Variants in NLRP8 observed in about 807,000 individuals in gnomAD.
NLRP8 encodes the protein NLR family pyrin domain containing 8.
NLRP8 carries 86 observed loss-of-function variants against 88.7 expected under a neutral mutation model. The ratio of observed to expected loss-of-function variants is 0.97; its 90% CI spans 0.81 to 1.16. The LOEUF is 1.16. Ranked by LOEUF, NLRP8 falls within the 50% of genes most tolerant of loss-of-function variation. The probability of loss-of-function intolerance (pLI) is 0.00; values close to 1 mark genes in which losing one functional copy is unlikely to be tolerated. For synonymous variants in NLRP8, 504 were observed against 494.6 expected (o/e 1.02, Z -0.25); for missense variants, 1,342 against 1,286.5 (o/e 1.04, Z -0.66).
chr19:55,985,260 G>A (rs306464), intron 9 of NLRP8, among the ~76,000 whole-genome samples: 56,140 of 151,722 alleles, frequency 0.37, 10,975 homozygotes, highest in Non-Finnish European at 0.43. Context: ...CTGAGATCAT[G>A]CCATTGCACT....
intron 8 of NLRP8, among the ~76,000 whole-genome samples, chr19:55,976,629 C>T (rs1287137923): frequency 6.6e-6 from 1 of 151,614 alleles, no homozygotes; most frequent in Non-Finnish European, 1.5e-5. Context: ...AAGAGTTTGT[C>T]ACTTTTAGAC....
rs202188806 is a variant in NLRP8, at chr19:55,961,997, C to A, written c.2043-70C>A. ...CCTAACCAGGATAGGGAACACCAGC[C>A]CTGGGGTTTCCTAGTAGATTTTCTC... On this transcript the variant is annotated intron_variant, in intron 3 of 9. Coordinates refer to ENST00000291971, the MANE Select transcript of NLRP8 (RefSeq NM_176811.2). The A allele has an allele frequency of 2.3e-5, 35 of 1,522,256 alleles. No individual in the cohort carries two copies. In the East Asian group the frequency reaches 6.1e-4, roughly 26 times the overall value. 94.3% of individuals were successfully genotyped at this position (1,522,256 alleles called of 1,614,324 possible). A position where few individuals can be genotyped will look rare whatever the true frequency, so the allele number is the denominator to read the frequency against.
Position 55,959,356 on chromosome 19 carries a change from C to T in NLRP8, c.2043-2711C>T, listed in dbSNP as rs540322543. Among the ~76,000 whole-genome samples the T allele has an allele frequency of 5.9e-5, 9 of 151,642 alleles. No homozygotes were observed. In the South Asian group the frequency reaches 8.4e-4, roughly 14 times the overall value. On this transcript the variant is annotated intron_variant, in intron 3 of 9. Transcript: ENST00000291971. ...CCTCCCCAGTAGCTGGGACTACAGG[C>T]GCCCGCCACCACGCCTGGCTAATTT...
In NLRP8 at chr19:55,955,518, T is replaced by A. The variant is rs755489007; in HGVS notation, c.1460T>A (p.Phe487Tyr). The change falls in exon 3 of 10, where the codon TTC becomes TAC. Residue 487 changes from phenylalanine (F) to tyrosine (Y), a missense_variant. Transcript: ENST00000291971. ...CTGGATCAGACGGGAGTCACCGCCT[T>A]CCTTGGCATGAGTATTCTTCGGAGA... 4.3e-6 allele frequency: 7 copies of A among 1,614,170 alleles called. No homozygotes were observed. The highest frequency in any genetic ancestry group is 1.6e-4 in the Middle Eastern group (1 of 6,062).
At chr19:55,979,626 G>A (rs897923263) in intron 9 of NLRP8, 62 bp downstream of exon 9, 2 of 1,573,876 alleles carry the variant, frequency 1.3e-6, no homozygotes, top group African/African-American at 1.3e-5. Context: ...CTTGTAAAAC[G>A]TGAGATGCTG....
Position 55,988,054 on chromosome 19 carries a change from G to C in NLRP8, c.*141G>C. ...ACCCAGTCAACACCACAGAACCTCA[G>C]CTTTGAACCCTGGAGTGAGGACGGT... On this transcript the variant is annotated 3_prime_UTR_variant, in exon 10 of 10. Transcript: ENST00000291971. 2 of 651,480 alleles carry C rather than the reference G, an allele frequency of 3.1e-6. No individual in the cohort carries two copies. Among genetic ancestry groups the C allele is most frequent in the Non-Finnish European group, 5.5e-6 (2 of 362,160 alleles). The allele number at this position is 651,480 out of a possible 1,614,324, so 40.4% of individuals were successfully genotyped here.
chr19:55,977,202 A>G (rs1980384068), intron 8 of NLRP8, among the ~76,000 whole-genome samples: 1 of 65,558 alleles, frequency 1.5e-5, no homozygotes, highest in African/African-American at 6.0e-5. Context: ...GTATATAAAG[A>G]TACATAAGAT....
Position 55,981,104 on chromosome 19 carries a change from G to A in NLRP8, c.3047+1540G>A, listed in dbSNP as rs185740960. ...AAGTGGATATGCTGGCAAGACTGGA[G>A]GGCCCTGTAGTGGAAGGAGACTTCC... On this transcript the variant is annotated intron_variant, in intron 9 of 9. Coordinates refer to ENST00000291971, the MANE Select transcript of NLRP8 (RefSeq NM_176811.2). Among the ~76,000 whole-genome samples the A allele has an allele frequency of 1.6e-4, 24 of 152,300 alleles. No individual in the cohort carries two copies. The East Asian group carries it at 4.6e-3, about 29-fold the overall frequency.
rs771828987 is a variant in NLRP8, at chr19:55,973,631, CTG to C, written c.2535-16_2535-15del. ...CAAAGACCCCTCTCCATTCAGTCAT[CTG>C]TGTGCTTCTCTCCCATAGGATAGAG... On this transcript the variant is annotated intron_variant, in intron 6 of 9. Transcript: ENST00000291971. The C allele has an allele frequency of 1.2e-4, 194 of 1,575,932 alleles. No individual in the cohort carries two copies. The African/African-American group carries it at 2.4e-3, about 20-fold the overall frequency.
chr19:55,983,659 C>T (rs1980672178), intron 9 of NLRP8, among the ~76,000 whole-genome samples: 1 of 151,336 alleles, frequency 6.6e-6, no homozygotes, highest in African/African-American at 2.4e-5. Context: ...TAGCCAAGTA[C>T]TCAAAGTTAA....
intron 6 of NLRP8, among the ~76,000 whole-genome samples, chr19:55,972,912 C>A (rs146502106): frequency 7.8e-4 from 118 of 150,922 alleles, no homozygotes; most frequent in African/African-American, 2.8e-3. Flanking sequence ...GCAAATTGTG[C>A]TGCTATAAAC....
chr19:55,961,670 C>T (rs778917907), intron 3 of NLRP8, among the ~76,000 whole-genome samples: 9 of 152,158 alleles, frequency 5.9e-5, no homozygotes, highest in Middle Eastern at 3.4e-3. Context: ...GGTGTGGTGG[C>T]GTGTGCCTGT....
chr19:55,972,343 G>T (rs541366179), intron 6 of NLRP8, among the ~76,000 whole-genome samples: 1 of 151,520 alleles, frequency 6.6e-6, no homozygotes, highest in Non-Finnish European at 1.5e-5. Flanking sequence ...TTGAACTCCT[G>T]ACCTCAGGTG....
At chr19:55,961,629 C>T (rs993479560) in intron 3 of NLRP8, among the ~76,000 whole-genome samples, 1 of 144,036 alleles carries the variant, frequency 6.9e-6, no homozygotes, top group Non-Finnish European at 1.5e-5. Flanking sequence ...TGGAGAATCC[C>T]TGTTTCTACA....
intron 2 of NLRP8, among the ~76,000 whole-genome samples, chr19:55,954,004 T>C (rs530676314): frequency 1.3e-5 from 2 of 151,960 alleles, no homozygotes; most frequent in East Asian, 3.9e-4. Flanking sequence ...GGTTTCACCA[T>C]GTTAGCCAGG....
chr19:55,969,372 A>G (rs1477194307), intron 5 of NLRP8, among the ~76,000 whole-genome samples: 2 of 152,146 alleles, frequency 1.3e-5, no homozygotes, highest in Non-Finnish European at 2.9e-5. Flanking sequence ...TTGGTTTTCC[A>G]TCCCTGAGTT....
rs1165775867 is a variant in NLRP8 at position 55,988,442 on chromosome 19, G to GTATATATATATATATATA, written c.*530_*531insATATATATATATATATAT. 740 of 103,474 alleles carry GTATATATATATATATATA rather than the reference G, an allele frequency of 7.2e-3. 10 individuals carry two copies. The highest frequency in any genetic ancestry group is 0.01 in the Middle Eastern group (2 of 192). The allele number at this position is 103,474 out of a possible 1,614,324, so 6.4% of individuals were successfully genotyped here. A position where few individuals can be genotyped will look rare whatever the true frequency, so the allele number is the denominator to read the frequency against. ...TACACATAAATATATATATGTGTGT[G>GTATATATATATATATATA]TGTATATATATATATATATATATAT... On this transcript the variant is annotated 3_prime_UTR_variant, in exon 10 of 10. Coordinates refer to ENST00000291971, the MANE Select transcript of NLRP8 (RefSeq NM_176811.2).
At chr19:55,978,558 T>C (rs542129385) in intron 8 of NLRP8, among the ~76,000 whole-genome samples, 8 of 152,294 alleles carry the variant, frequency 5.3e-5, no homozygotes, top group Middle Eastern at 3.4e-3. Flanking sequence ...CCTCTTCTTA[T>C]ACAGCCACTC....
At chr19:55,972,113 AAT>A (rs1491188753) in intron 6 of NLRP8, among the ~76,000 whole-genome samples, 6 of 108,956 alleles carry the variant, frequency 5.5e-5, no homozygotes, top group African/African-American at 2.3e-4. Context: ...TCTATGTTTT[AAT>A]TTTTTTTTTT....
Sources: gnomAD v4.1 joint callset for allele counts (sites outside exome capture counted in the v4.1 genomes callset) on GRCh38, gnomAD v4.1.1 for gene constraint, MANE v1.5 for transcripts, NCBI Gene and HGNC (gene_info 2026-07-23, HGNC 2026-07-21) for gene names.